TAL1: variants seen among roughly 807,000 people sequenced by gnomAD.
TAL1 encodes the protein T-cell acute lymphocytic leukemia protein 1.
TAL1 carries 8 observed loss-of-function variants against 17.9 expected under a neutral mutation model. The observed-to-expected ratio is 0.45, with a 90% CI of 0.26 to 0.81. The LOEUF (loss-of-function observed/expected upper bound fraction) is 0.81, where lower values mean the gene tolerates loss of function less well. Among genes scored for constraint, TAL1 ranks in the 30% least tolerant of loss-of-function variants. TAL1 has a pLI of 0.17. For synonymous variants in TAL1, 223 were observed against 218.6 expected (o/e 1.02, Z -0.18); for missense variants, 466 against 486.9 (o/e 0.96, Z 0.40).
exon 4 of TAL1, chr1:47,219,894 G>GGCCCCCCCCCCCCCC: frequency 3.2e-6 from 5 of 1,556,004 alleles, no homozygotes; most frequent in Non-Finnish European, 4.3e-6. Flanking sequence ...CTGGGGGCGC[G>GGCCCCCCCCCCCCCC]CCGCCCCCTC....
exon 4 of TAL1, chr1:47,218,636 C>T (rs751544543): frequency 4.3e-6 from 1 of 232,994 alleles, no homozygotes; most frequent in Non-Finnish European, 8.5e-6. Context: ...AGGCTGGATC[C>T]TGGTCCTATT....
Position 47,225,439 on chromosome 1 carries a change from T to C in TAL1, c.446+4A>G. On this transcript the variant is annotated splice_donor_region_variant and intron_variant, in intron 2 of 3. Coordinates refer to ENST00000294339, the Ensembl canonical transcript of TAL1. ...CCCCTGGCCCCTGGCCCCTGGCCCC[T>C]GACCTGCCGAGAGAGGCCAGCGGCT... is the stretch of plus-strand genomic sequence containing the variant. 8.1e-7 allele frequency: 1 copy of C among 1,229,050 alleles called. No homozygotes were observed. The highest frequency in any genetic ancestry group is 4.1e-5 in the South Asian group (1 of 24,288). 76.1% of individuals were successfully genotyped at this position (1,229,050 alleles called of 1,614,324 possible).
chr1:47,217,428 A>G (rs1645518419), exon 4 of TAL1: 1 of 397,522 alleles, frequency 2.5e-6, no homozygotes, highest in African/African-American at 2.1e-5. Flanking sequence ...TAATCTGGAG[A>G]AATGAGGACA....
exon 4 of TAL1, chr1:47,218,235 C>T (rs1645538790): frequency 8.6e-6 from 2 of 233,532 alleles, no homozygotes; most frequent in African/African-American, 2.2e-5. Flanking sequence ...GACAGACATA[C>T]AGGACTTCTG....
chr1:47,217,252 G>A, exon 4 of TAL1: 1 of 358,256 alleles, frequency 2.8e-6, no homozygotes, highest in Middle Eastern at 7.3e-4. Context: ...GCCAGGTGTG[G>A]TGGCTCACAC....
At chr1:47,232,089 A>G (rs369085519), upstream of TAL1, 15 of 228,466 alleles carry the variant, frequency 6.6e-5, no homozygotes, top group South Asian at 2.8e-3. Context: ...ACGTGGGGAA[A>G]AAGAGGAGGA....
intron 1 of TAL1, chr1:47,228,929 A>G (rs1643957209): frequency 6.2e-6 from 1 of 161,088 alleles, no homozygotes; most frequent in East Asian, 1.6e-4. Context: ...GGAAACGTCC[A>G]CAGAACCGGG....
exon 2 of TAL1, chr1:47,225,740 G>C: frequency 1.3e-6 from 2 of 1,534,900 alleles, no homozygotes; most frequent in South Asian, 2.4e-5. Flanking sequence ...TTCGATGACT[G>C]GGGGCTCCGC....
At chr1:47,219,894 G>GGCCCCCCCCCCCCCCCCCCCC in exon 4 of TAL1, 16 of 1,555,972 alleles carry the variant, frequency 1.0e-5, no homozygotes, top group East Asian at 2.3e-5. Context: ...CTGGGGGCGC[G>GGCCCCCCCCCCCCCCCCCCCC]CCGCCCCCTC....
exon 4 of TAL1, chr1:47,219,894 G>GGCGCCCCCCCCCCCC: frequency 1.3e-6 from 2 of 1,556,018 alleles, no homozygotes; most frequent in Non-Finnish European, 1.7e-6. Flanking sequence ...CTGGGGGCGC[G>GGCGCCCCCCCCCCCC]CCGCCCCCTC....
chr1:47,224,136 T>TGAGGG, intron 2 of TAL1, 38 bp from the exon 4 acceptor site: 1 of 1,601,146 alleles, frequency 6.2e-7, no homozygotes, highest in Non-Finnish European at 8.6e-7. Flanking sequence ...GATCCCATGT[T>TGAGGG]GAGGGGAGGG....
intron 2 of TAL1, among the ~76,000 whole-genome samples, chr1:47,224,830 C>G (rs1462530837): frequency 6.6e-6 from 1 of 152,218 alleles, no homozygotes; most frequent in Non-Finnish European, 1.5e-5. Context: ...AGCAGGGAAA[C>G]GGATGCCCTG....
At chr1:47,224,222 C>T (rs1350942823) in intron 2 of TAL1, 124 bp from the exon 4 acceptor site, 3 of 776,902 alleles carry the variant, frequency 3.9e-6, no homozygotes, top group Admixed American at 4.2e-5. Flanking sequence ...TCCCTTCACA[C>T]TTGAGCTGGG....
chr1:47,218,626 A>C, exon 4 of TAL1: 1 of 232,978 alleles, frequency 4.3e-6, no homozygotes, highest in Non-Finnish European at 8.5e-6. Flanking sequence ...CCTAGAAGTG[A>C]GGCTGGATCC....
At chr1:47,227,410 T>C (rs1015669292) in intron 1 of TAL1, 1 of 152,162 alleles carries the variant, frequency 6.6e-6, no homozygotes, top group Non-Finnish European at 1.5e-5. Context: ...ATCTAAATCA[T>C]ACATAGCAGC....
chr1:47,225,600 G>T, exon 2 of TAL1: 1 of 1,313,084 alleles, frequency 7.6e-7, no homozygotes, highest in Non-Finnish European at 9.6e-7. Context: ...GCGGGCCCGG[G>T]AGGTCTGCAC....
At chr1:47,220,236 TC>T (rs2148586012) in intron 3 of TAL1, 62 bp from the exon 5 acceptor site, 1 of 1,453,282 alleles carries the variant, frequency 6.9e-7, no homozygotes, top group South Asian at 1.7e-5. Context: ...CAAAGGCATC[TC>T]CATACATTGG....
At chr1:47,232,162 C>T (rs899528440), upstream of TAL1, 49 of 212,680 alleles carry the variant, frequency 2.3e-4, no homozygotes, top group Non-Finnish European at 3.7e-4. Context: ...GGCCAGAATG[C>T]TCACGTTTTT....
intron 3 of TAL1, among the ~76,000 whole-genome samples, chr1:47,220,589 A>G (rs1336603794): frequency 6.6e-6 from 1 of 152,234 alleles, no homozygotes; most frequent in Non-Finnish European, 1.5e-5. Flanking sequence ...GACTCTGGGC[A>G]AGTGACATAA....
Sources: gnomAD v4.1 joint callset for allele counts (sites outside exome capture counted in the v4.1 genomes callset) on GRCh38, gnomAD v4.1.1 for gene constraint, MANE v1.5 for transcripts, NCBI Gene and HGNC (gene_info 2026-07-23, HGNC 2026-07-21) for gene names.